KCNIP1: variants seen among roughly 807,000 people sequenced by gnomAD.
KCNIP1 encodes A-type potassium channel modulatory protein KCNIP1.
In KCNIP1, 18 loss-of-function variants were observed where a neutral mutation model predicts 33.0. That is an observed-to-expected ratio of 0.55 (90% CI 0.38 to 0.81). The LOEUF is 0.81. Among genes scored for constraint, KCNIP1 ranks in the 30% least tolerant of loss-of-function variants. The pLI is 0.00. For missense variants in KCNIP1, 238 were observed against 271.6 expected, an observed-to-expected ratio of 0.88 and a Z score of 0.87; for synonymous variants, 93 against 98.3, an observed-to-expected ratio of 0.95 and a Z score of 0.32.
chr5:170,734,263 C>T (rs1216163091), intron 7 of KCNIP1, among the ~76,000 whole-genome samples: 2 of 151,426 alleles, frequency 1.3e-5, no homozygotes, highest in East Asian at 3.9e-4. Flanking sequence ...GGAAAAAAAC[C>T]TACAATTGTG....
At chr5:170,720,278 T>C in intron 2 of KCNIP1, 43 bp from the exon 3 acceptor site, 1 of 1,427,558 alleles carries the variant, frequency 7.0e-7, no homozygotes, top group Non-Finnish European at 9.9e-7. Context: ...CTCCTAGTGC[T>C]GGCCCTCAAA....
chr5:170,683,936 T>C (rs932475486), intron 1 of KCNIP1, among the ~76,000 whole-genome samples: 1 of 108,562 alleles, frequency 9.2e-6, no homozygotes, highest in Admixed American at 9.8e-5. Context: ...GTGTGTGTGT[T>C]AGTAGAGACA....
At position 170,507,427 on chromosome 5, in the gene KCNIP1, G is replaced by A. The variant is rs75646532; in HGVS notation, c.61+2794G>A. Among the ~76,000 whole-genome samples the A allele has an allele frequency of 7.7e-3, 1,171 of 152,300 alleles. 14 individuals are homozygous for A. The highest frequency in any genetic ancestry group is 0.063 in the East Asian group (328 of 5,184). On this transcript the variant is annotated intron_variant, in intron 1 of 7. Transcript: ENST00000328939. ...AAATTTGAGGTACTATTCAATTTAT[G>A]GCTCTATTGTTTGGGGCTTCCAAAT...
At chr5:170,730,373 G>C (rs747848706) in intron 5 of KCNIP1, among the ~76,000 whole-genome samples, 3 of 152,154 alleles carry the variant, frequency 2.0e-5, no homozygotes, top group Non-Finnish European at 4.4e-5. Flanking sequence ...CTGGAGGGCA[G>C]AGTTAATAAA....
intron 1 of KCNIP1, among the ~76,000 whole-genome samples, chr5:170,691,763 C>A (rs192280648): frequency 1.3e-3 from 193 of 152,206 alleles, no homozygotes; most frequent in African/African-American, 4.1e-3. Flanking sequence ...CCCAGGGAAC[C>A]AGCAGGGTCC....
chr5:170,381,421 T>C (rs1302774219), intron 1 of KCNIP1, among the ~76,000 whole-genome samples: 1 of 152,176 alleles, frequency 6.6e-6, no homozygotes, highest in African/African-American at 2.4e-5. Flanking sequence ...CCTTCAGAGT[T>C]GGAGGGTGGG....
chr5:170,546,813 C>T (rs974288318), intron 1 of KCNIP1, among the ~76,000 whole-genome samples: 24 of 152,040 alleles, frequency 1.6e-4, no homozygotes, highest in Admixed American at 1.0e-3. Context: ...ATATATACAG[C>T]AATATTTAGA....
At chr5:170,656,996 CTTTT>C (rs397999901) in intron 1 of KCNIP1, among the ~76,000 whole-genome samples, 2 of 109,738 alleles carry the variant, frequency 1.8e-5, no homozygotes, top group Non-Finnish European at 1.8e-5. Context: ...TTCTTTCTTT[CTTTT>C]TTTTTTTTTT....
intron 5 of KCNIP1, among the ~76,000 whole-genome samples, chr5:170,726,777 G>A (rs1764022048): frequency 6.9e-6 from 1 of 145,424 alleles, no homozygotes; most frequent in African/African-American, 2.5e-5. Flanking sequence ...CAGACATGGT[G>A]GTAAGCACCT....
At chr5:170,486,375 C>T (rs916153283) in intron 1 of KCNIP1, 6 of 152,304 alleles carry the variant, frequency 3.9e-5, no homozygotes, top group East Asian at 1.9e-4. Context: ...CAGCAGCAGC[C>T]GCAGACACCA....
intron 1 of KCNIP1, among the ~76,000 whole-genome samples, chr5:170,678,765 C>G (rs2113788599): frequency 6.6e-6 from 1 of 152,130 alleles, no homozygotes; most frequent in African/African-American, 2.4e-5. Context: ...TATGCATGAG[C>G]TTGCAAAAAG....
chr5:170,374,218 T>C (rs1253443961), intron 1 of KCNIP1, among the ~76,000 whole-genome samples: 1 of 152,194 alleles, frequency 6.6e-6, no homozygotes, highest in African/African-American at 2.4e-5. Flanking sequence ...ATTATATTAA[T>C]ATTTATATTG....
chr5:170,513,799 G>C (rs966007944), intron 1 of KCNIP1, among the ~76,000 whole-genome samples: 2 of 152,230 alleles, frequency 1.3e-5, no homozygotes, highest in Non-Finnish European at 2.9e-5. Context: ...TGTGACTAAA[G>C]TAGGAGTCTA....
At chr5:170,592,364 T>C (rs1758293554) in intron 1 of KCNIP1, among the ~76,000 whole-genome samples, 1 of 139,706 alleles carries the variant, frequency 7.2e-6, no homozygotes, top group Non-Finnish European at 1.5e-5. Context: ...ATTAGTATGT[T>C]CGTGTTACAG....
At chr5:170,440,034 T>C (rs965832409) in intron 1 of KCNIP1, among the ~76,000 whole-genome samples, 6 of 152,212 alleles carry the variant, frequency 3.9e-5, no homozygotes, top group Non-Finnish European at 8.8e-5. Flanking sequence ...AAGGGGTAAC[T>C]ACATTAAAGT....
intron 1 of KCNIP1, among the ~76,000 whole-genome samples, chr5:170,624,680 G>GGACGGGAGGAGAGGA (rs1759744910): frequency 2.0e-5 from 3 of 147,794 alleles, no homozygotes; most frequent in Non-Finnish European, 4.5e-5. Flanking sequence ...GTTCTTGTGT[G>GGACGGGAGGAGAGGA]GAGGGGAGGA....
chr5:170,589,794 T>TGTGTGGTGTGGTGCGATGCGGTGTG (rs1554103003), intron 1 of KCNIP1, among the ~76,000 whole-genome samples: 8 of 113,242 alleles, frequency 7.1e-5, no homozygotes, highest in East Asian at 2.7e-4. Context: ...TGTGATGTGG[T>TGTGTGGTGTGGTGCGATGCGGTGTG]GTGCGGTGCG....
chr5:170,491,890 T>C (rs1757214921), intron 1 of KCNIP1, among the ~76,000 whole-genome samples: 1 of 152,222 alleles, frequency 6.6e-6, no homozygotes, highest in Non-Finnish European at 1.5e-5. Context: ...AGGGCCCAGC[T>C]CGATGGCATA....
At chr5:170,390,005 T>C (rs1389771318) in intron 1 of KCNIP1, among the ~76,000 whole-genome samples, 1 of 152,174 alleles carries the variant, frequency 6.6e-6, no homozygotes, top group African/African-American at 2.4e-5. Context: ...AAGGACCAAC[T>C]GAGCTGAAGC....
Sources: gnomAD v4.1 joint callset for allele counts (sites outside exome capture counted in the v4.1 genomes callset) on GRCh38, gnomAD v4.1.1 for gene constraint, MANE v1.5 for transcripts, NCBI Gene and HGNC (gene_info 2026-07-23, HGNC 2026-07-21) for gene names.